The following CDK12 variants were observed in gnomAD, a reference collection of about 807,000 sequenced individuals.
The protein encoded by CDK12 is cyclin dependent kinase 12, also known as cyclin-dependent kinase 12.
Under a neutral mutation model 133.8 loss-of-function variants are expected in CDK12, and 17 were observed. That is an observed-to-expected ratio of 0.13 (90% confidence interval 0.09 to 0.19). The LOEUF (loss-of-function observed/expected upper bound fraction) is 0.19. Ranked by LOEUF, CDK12 falls within the 10% of genes least tolerant of loss-of-function variation. CDK12 has a pLI of 1.00. For missense variants in CDK12, 1,508 were observed against 1,818.7 expected (o/e 0.83, Z 3.11); for synonymous variants, 694 against 683.6 (o/e 1.02, Z -0.24).
At chr17:39,565,674 T>C (rs932618180), downstream of CDK12, among the ~76,000 whole-genome samples, 6 of 152,022 alleles carry the variant, frequency 3.9e-5, no homozygotes, top group Admixed American at 2.0e-4. Flanking sequence ...CCTCAGGTGA[T>C]CCACCCGCCT....
At chr17:39,511,989 C>G (rs2053533547) in intron 8 of CDK12, among the ~76,000 whole-genome samples, 1 of 152,136 alleles carries the variant, frequency 6.6e-6, no homozygotes, top group Non-Finnish European at 1.5e-5. Flanking sequence ...TTAGAAGAAA[C>G]TATTTCACTT....
upstream of CDK12, chr17:39,546,316 A>G (rs764032067): frequency 1.8e-3 from 278 of 150,816 alleles, no homozygotes; most frequent in Non-Finnish European, 3.4e-3. Context: ...AGTAGCTGGG[A>G]TTACAGGCGC....
chr17:39,475,736 A>G lies in CDK12; in HGVS notation c.1931+3973A>G, dbSNP rs373900655. ...AATTTTTTGTATTTTTAGTAGAGACAGGGTTTCACCATGTTGGCCAGGCTG... is the reference window on the plus strand; with the variant it reads ...AATTTTTTGTATTTTTAGTAGAGACGGGGTTTCACCATGTTGGCCAGGCTG... On this transcript the variant is annotated intron_variant, in intron 2 of 13. Coordinates refer to ENST00000447079, the MANE Select transcript of CDK12 (RefSeq NM_016507.4). Among the ~76,000 whole-genome samples the G allele has an allele frequency of 8.0e-4, 122 of 151,866 alleles. 1 individual carries two copies. Among genetic ancestry groups the G allele is most frequent in the African/African-American group, 2.9e-3 (119 of 41,418 alleles).
At position 39,470,135 on chromosome 17, in the gene CDK12, AT is replaced by A. The variant is rs760342647; in HGVS notation, c.1047-730del. 8.5e-3 allele frequency among the ~76,000 whole-genome samples: 1,190 copies of A among 139,464 alleles called. 15 individuals are homozygous for A. Among genetic ancestry groups the A allele is most frequent in the African/African-American group, 0.024 (908 of 38,076 alleles). The allele number at this position is 139,464 out of a possible 152,430, so 91.5% of individuals were successfully genotyped here. On this transcript the variant is annotated intron_variant, in intron 1 of 13. Transcript: ENST00000447079. The stretch of plus-strand genomic sequence containing the variant: ...TTTCATGTAGGATTTAGTTTAATCT[AT>A]TTTTTTTTTTTTTGAGATGTAGTCT...
intron 1 of CDK12, among the ~76,000 whole-genome samples, chr17:39,541,745 A>G (rs2055428725): frequency 1.3e-5 from 2 of 152,106 alleles, no homozygotes; most frequent in African/African-American, 4.8e-5. Flanking sequence ...TCTATAGGGG[A>G]GTTTCTCTGC....
At chr17:39,565,236 C>T (rs796931271), downstream of CDK12, among the ~76,000 whole-genome samples, 47 of 152,292 alleles carry the variant, frequency 3.1e-4, no homozygotes, top group African/African-American at 1.1e-3. Context: ...GCCTCAGCCT[C>T]CTGAGTAGCT....
intron 9 of CDK12, among the ~76,000 whole-genome samples, chr17:39,516,016 C>A (rs1475176417): frequency 6.6e-6 from 1 of 152,190 alleles, no homozygotes; most frequent in Admixed American, 6.5e-5. Flanking sequence ...TCTTACTTTG[C>A]ATATTTTTTA....
At chr17:39,469,081 C>T (rs1010986140) in intron 1 of CDK12, among the ~76,000 whole-genome samples, 4 of 152,152 alleles carry the variant, frequency 2.6e-5, no homozygotes, top group Non-Finnish European at 5.9e-5. Flanking sequence ...CTGCCTCGGC[C>T]TCCCGAAGTG....
intron 2 of CDK12, among the ~76,000 whole-genome samples, chr17:39,489,469 T>C (rs2051403339): frequency 6.6e-6 from 1 of 151,750 alleles, no homozygotes; most frequent in African/African-American, 2.4e-5. Flanking sequence ...CCTCCCAAAG[T>C]GCTGGGATTA....
chr17:39,563,972 G>A (rs534452229), intron 3 of CDK12, among the ~76,000 whole-genome samples: 10 of 152,296 alleles, frequency 6.6e-5, no homozygotes, highest in Middle Eastern at 3.4e-3. Context: ...TGAGGTCGAG[G>A]AGGATGGGGG....
chr17:39,530,432 CT>C (rs2054759530), intron 13 of CDK12, 171 bp from the exon 14 acceptor site: 8 of 906,414 alleles, frequency 8.8e-6, no homozygotes, highest in Non-Finnish European at 1.3e-5. Context: ...AACTGTTTTA[CT>C]TTTAATCACT....
chr17:39,517,064 TC>T (rs2053859896), intron 9 of CDK12, among the ~76,000 whole-genome samples: 1 of 152,194 alleles, frequency 6.6e-6, no homozygotes, highest in Non-Finnish European at 1.5e-5. Flanking sequence ...TACTCTCTTC[TC>T]ATCTCACAGT....
At chr17:39,470,793 G>A in intron 1 of CDK12, 86 bp from the exon 2 acceptor site, 2 of 1,135,334 alleles carry the variant, frequency 1.8e-6, no homozygotes, top group Admixed American at 2.6e-5. Context: ...ATAAGTTACA[G>A]TTCTTCATAG....
intron 2 of CDK12, among the ~76,000 whole-genome samples, chr17:39,473,745 C>T (rs576069051): frequency 2.5e-4 from 38 of 152,142 alleles, no homozygotes; most frequent in Admixed American, 6.6e-4. Context: ...ATTAGCTGGG[C>T]GTGGTGGCGG....
intron 3 of CDK12, among the ~76,000 whole-genome samples, chr17:39,563,860 C>T (rs908287456): frequency 2.0e-5 from 3 of 152,134 alleles, no homozygotes; most frequent in Non-Finnish European, 4.4e-5. Flanking sequence ...TGCTTGTGGT[C>T]ATATTAGAAA....
chr17:39,563,084 G>A (rs974225182), intron 3 of CDK12, among the ~76,000 whole-genome samples: 5 of 151,928 alleles, frequency 3.3e-5, no homozygotes, highest in Admixed American at 6.6e-5. Context: ...GGCTATTAAT[G>A]TCTTCTCGGC....
chr17:39,493,491 T>C (rs2145891414), intron 4 of CDK12, among the ~76,000 whole-genome samples: 1 of 151,598 alleles, frequency 6.6e-6, no homozygotes, highest in African/African-American at 2.4e-5. Flanking sequence ...GTATTTTTAG[T>C]AGAGATGGGG....
intron 12 of CDK12, among the ~76,000 whole-genome samples, chr17:39,525,335 C>T (rs1251826823): frequency 6.6e-6 from 1 of 152,110 alleles, no homozygotes; most frequent in East Asian, 1.9e-4. Flanking sequence ...GAAACTATGT[C>T]ATATTGAACT....
intron 5 of CDK12, among the ~76,000 whole-genome samples, chr17:39,498,336 T>C (rs2052304025): frequency 6.6e-6 from 1 of 152,040 alleles, no homozygotes. Flanking sequence ...GCAGTTCTCC[T>C]GCCTCAACCT....
Sources: gnomAD v4.1 joint callset for allele counts (sites outside exome capture counted in the v4.1 genomes callset) on GRCh38, gnomAD v4.1.1 for gene constraint, MANE v1.5 for transcripts, NCBI Gene and HGNC (gene_info 2026-07-23, HGNC 2026-07-21) for gene names.